Variants in ADCK1 observed in about 807,000 individuals in gnomAD.
ADCK1 encodes the protein aarF domain-containing protein kinase 1.
Under a neutral mutation model 52.3 loss-of-function variants are expected in ADCK1, and 41 were observed. That is an observed-to-expected ratio of 0.78 (90% CI 0.61 to 1.02). The LOEUF (loss-of-function observed/expected upper bound fraction) is 1.02, where lower values mean the gene tolerates loss of function less well. ADCK1 is among the 50% of genes least tolerant of loss of function. The probability of loss-of-function intolerance (pLI) is 0.00; values close to 1 mark genes in which losing one functional copy is unlikely to be tolerated. For missense variants in ADCK1, 658 were observed against 679.5 expected, an observed-to-expected ratio of 0.97 and a Z score of 0.35; for synonymous variants, 250 against 274.6, an observed-to-expected ratio of 0.91 and a Z score of 0.89.
At chr14:77,891,174 G>A (rs114087679) in intron 5 of ADCK1, among the ~76,000 whole-genome samples, 139 of 152,316 alleles carry the variant, frequency 9.1e-4, no homozygotes, top group African/African-American at 3.1e-3. Context: ...GTAGAAGGTA[G>A]CATTGGAGAC....
chr14:77,845,941 C>A (rs1256831903), intron 3 of ADCK1, among the ~76,000 whole-genome samples: 1 of 152,130 alleles, frequency 6.6e-6, no homozygotes, highest in Non-Finnish European at 1.5e-5. Flanking sequence ...GTACTAATAA[C>A]CAGGTGTGAG....
At chr14:77,857,548 GTTTGTTATC>G (rs370097276) in intron 3 of ADCK1, among the ~76,000 whole-genome samples, 1 of 152,074 alleles carries the variant, frequency 6.6e-6, no homozygotes, top group African/African-American at 2.4e-5. Flanking sequence ...ATACTGGCTG[GTTTGTTATC>G]TGTTTTTCCA....
At chr14:77,845,792 C>T (rs974966496) in intron 3 of ADCK1, among the ~76,000 whole-genome samples, 33 of 152,204 alleles carry the variant, frequency 2.2e-4, no homozygotes, top group African/African-American at 8.0e-4. Context: ...AAATCATCCC[C>T]TGCTCACTCC....
At chr14:77,808,854 G>A (rs1304445723) in intron 1 of ADCK1, among the ~76,000 whole-genome samples, 1 of 152,216 alleles carries the variant, frequency 6.6e-6, no homozygotes, top group African/African-American at 2.4e-5. Flanking sequence ...GGGATTACAG[G>A]CGTGAGCCAC....
At chr14:77,820,023 G>T (rs1012160780) in intron 2 of ADCK1, among the ~76,000 whole-genome samples, 1 of 152,174 alleles carries the variant, frequency 6.6e-6, no homozygotes, top group African/African-American at 2.4e-5. Context: ...TCAGGCTACG[G>T]AACATAAAAC....
chr14:77,805,804 A>G lies in ADCK1; in HGVS notation c.-12+5634A>G, dbSNP rs140697594. Reference sequence around the variant, plus strand: ...GTCCAGGGGGCTCAGTCTGAAAAAAATCTCAAAAAACCTCCCAATCTTAGG... The same window carrying G: ...GTCCAGGGGGCTCAGTCTGAAAAAAGTCTCAAAAAACCTCCCAATCTTAGG... On this transcript the variant is annotated intron_variant, in intron 1 of 10. Coordinates refer to ENST00000238561, the MANE Select transcript of ADCK1 (RefSeq NM_020421.4). 2.0e-5 allele frequency among the ~76,000 whole-genome samples: 3 copies of G among 152,072 alleles called. No individual in the cohort carries two copies. The East Asian group carries it at 5.9e-4, about 30-fold the overall frequency.
At chr14:77,926,319 A>C (rs2084192741) in intron 9 of ADCK1, among the ~76,000 whole-genome samples, 1 of 152,070 alleles carries the variant, frequency 6.6e-6, no homozygotes, top group South Asian at 2.1e-4. Context: ...GGGAATCCTT[A>C]GGGACTATCT....
intron 3 of ADCK1, among the ~76,000 whole-genome samples, chr14:77,837,945 C>G (rs4899679): frequency 0.71 from 107,748 of 152,130 alleles, 38,348 homozygotes; most frequent in Admixed American, 0.75. Flanking sequence ...CTCCAAAATG[C>G]GAATTGCTGG....
rs546006573 is a variant in ADCK1, at chr14:77,920,025, C to G, written c.859-4432C>G. On this transcript the variant is annotated intron_variant, in intron 7 of 10. Coordinates refer to ENST00000238561, the MANE Select transcript of ADCK1 (RefSeq NM_020421.4). ...ATAGCTGTGAATATTTTCTCCTACT[C>G]TATGGATTCCTTCCACTCTGTGGAT... 3.3e-5 allele frequency among the ~76,000 whole-genome samples: 5 copies of G among 152,328 alleles called. No individual in the cohort carries two copies. In the East Asian group the frequency reaches 9.6e-4, roughly 29 times the overall value.
chr14:77,915,346 CCAGCCT>C (rs2083897290), intron 7 of ADCK1, among the ~76,000 whole-genome samples: 1 of 149,634 alleles, frequency 6.7e-6, no homozygotes, highest in Non-Finnish European at 1.5e-5. Context: ...CCCCCTACCC[CCAGCCT>C]ACAACAGGCC....
chr14:77,823,848 A>C (rs981264066), intron 3 of ADCK1, among the ~76,000 whole-genome samples: 10 of 152,136 alleles, frequency 6.6e-5, no homozygotes, highest in African/African-American at 2.4e-4. Context: ...CTGGGATTAC[A>C]GGTGTGAGCC....
intron 1 of ADCK1, among the ~76,000 whole-genome samples, chr14:77,803,342 A>G: frequency 6.6e-6 from 1 of 152,172 alleles, no homozygotes; most frequent in South Asian, 2.1e-4. Context: ...CCAAACAGGG[A>G]AAGGTGATTC....
At chr14:77,810,069 G>A (rs1429059836) in intron 1 of ADCK1, among the ~76,000 whole-genome samples, 2 of 150,072 alleles carry the variant, frequency 1.3e-5, no homozygotes, top group Non-Finnish European at 3.0e-5. Flanking sequence ...TTACAAGAGA[G>A]TCTTATTTAC....
At chr14:77,837,286 A>C (rs2081981683) in intron 3 of ADCK1, among the ~76,000 whole-genome samples, 1 of 151,272 alleles carries the variant, frequency 6.6e-6, no homozygotes, top group Non-Finnish European at 1.5e-5. Flanking sequence ...ACAGGCATGC[A>C]TCATCATGCC....
chr14:77,864,093 C>T (rs553194856), intron 4 of ADCK1, among the ~76,000 whole-genome samples: 1 of 152,200 alleles, frequency 6.6e-6, no homozygotes, highest in Non-Finnish European at 1.5e-5. Flanking sequence ...ACTTATTTTA[C>T]AGCTCCCCAT....
chr14:77,864,602 G>T (rs1194579773), intron 4 of ADCK1, among the ~76,000 whole-genome samples: 1 of 151,786 alleles, frequency 6.6e-6, no homozygotes, highest in Non-Finnish European at 1.5e-5. Flanking sequence ...GTAACTCAGG[G>T]CTCTCTAGAG....
intron 4 of ADCK1, among the ~76,000 whole-genome samples, chr14:77,871,408 A>G (rs906065839): frequency 1.3e-5 from 2 of 151,622 alleles, no homozygotes; most frequent in African/African-American, 4.8e-5. Flanking sequence ...CCCAGGCTGG[A>G]GTGTAGTGGC....
At chr14:77,870,114 G>A (rs535299347) in intron 4 of ADCK1, among the ~76,000 whole-genome samples, 1 of 152,346 alleles carries the variant, frequency 6.6e-6, no homozygotes, top group East Asian at 1.9e-4. Flanking sequence ...TATGTAGTGT[G>A]CATTGGCTGG....
At chr14:77,819,242 C>A (rs868331548) in intron 2 of ADCK1, 129 bp downstream of exon 2, 22 of 1,309,090 alleles carry the variant, frequency 1.7e-5, no homozygotes, top group African/African-American at 4.4e-5. Context: ...TGTGCAAAAG[C>A]TACATCTGCA....
Sources: gnomAD v4.1 joint callset for allele counts (sites outside exome capture counted in the v4.1 genomes callset) on GRCh38, gnomAD v4.1.1 for gene constraint, MANE v1.5 for transcripts, NCBI Gene and HGNC (gene_info 2026-07-23, HGNC 2026-07-21) for gene names.